The following KBTBD12 variants were observed in gnomAD, a reference collection of about 807,000 sequenced individuals.
The protein encoded by KBTBD12 is kelch repeat and BTB domain-containing protein 12.
In KBTBD12, 53 loss-of-function variants were observed where a neutral mutation model predicts 58.7. That is an observed-to-expected ratio of 0.90 (90% confidence interval 0.72 to 1.14). The LOEUF is 1.14. Among genes scored for constraint, KBTBD12 ranks in the 50% most tolerant of loss-of-function variants. The probability of loss-of-function intolerance (pLI) is 0.00; values close to 1 mark genes in which losing one functional copy is unlikely to be tolerated. For synonymous variants in KBTBD12, 236 were observed against 259.8 expected (o/e 0.91, Z 0.88); for missense variants, 704 against 751.3 (o/e 0.94, Z 0.74).
intron 4 of KBTBD12, among the ~76,000 whole-genome samples, chr3:127,952,850 T>A (rs937926762): frequency 3.3e-5 from 5 of 152,254 alleles, no homozygotes; most frequent in African/African-American, 1.2e-4. Flanking sequence ...CCCTTGCCTT[T>A]ACCTTATTAC....
chr3:127,943,819 G>T (rs1940011586), intron 4 of KBTBD12, among the ~76,000 whole-genome samples: 1 of 152,056 alleles, frequency 6.6e-6, no homozygotes, highest in African/African-American at 2.4e-5. Flanking sequence ...ACCATTTCAG[G>T]TCTTATGTTT....
intron 1 of KBTBD12, among the ~76,000 whole-genome samples, chr3:127,917,453 T>C (rs4857869): frequency 0.62 from 93,735 of 152,094 alleles, 29,590 homozygotes; most frequent in African/African-American, 0.75. Flanking sequence ...TCTCCAAACC[T>C]TGTCCTTTTG....
chr3:127,937,380 A>AT (rs1939853716), intron 4 of KBTBD12, among the ~76,000 whole-genome samples: 1 of 152,182 alleles, frequency 6.6e-6, no homozygotes, highest in South Asian at 2.1e-4. Context: ...GGGATGTAAA[A>AT]ATATATAACA....
chr3:127,941,095 C>T (rs1013042502), intron 4 of KBTBD12, among the ~76,000 whole-genome samples: 8 of 152,124 alleles, frequency 5.3e-5, no homozygotes, highest in Non-Finnish European at 1.2e-4. Context: ...AATGGTTTCA[C>T]TCGTGAATTT....
In KBTBD12 at chr3:127,963,190, T is replaced by C. The variant is rs139710891; in HGVS notation, c.1494T>C (p.Gly498=). ...ATTTCTCCACATAATTCTCTGCAGG[T>C]GGCATTGGCTGTGTAGGTCAAGACA... The part of the protein sequence containing the change: ...AVVNSEIYVL[G]GIGCVGQDKG... The change falls in exon 5 of 6, where the codon GGT becomes GGC. Residue 498 remains glycine (G), a splice_region_variant and synonymous_variant. Transcript: ENST00000405109. 1,137 of 1,596,736 alleles carry C rather than the reference T, an allele frequency of 7.1e-4. 10 individuals carry two copies. In the African/African-American group the frequency reaches 0.013, roughly 19 times the overall value.
Position 127,923,059 on chromosome 3 carries a change from A to G in KBTBD12, c.-3A>G. On this transcript the variant is annotated 5_prime_UTR_variant, in exon 2 of 6. Coordinates refer to ENST00000405109, the MANE Select transcript of KBTBD12 (RefSeq NM_207335.4). ...CTTAGTTGGAAACTTTGGAGAGTAG[A>G]TCATGGAGTGCAAGATTGAGGGAAA... The G allele has an allele frequency of 6.4e-7, 1 of 1,574,094 alleles. No homozygotes were observed. The highest frequency in any genetic ancestry group is 8.7e-7 in the Non-Finnish European group (1 of 1,146,874).
chr3:127,983,833 C>G (rs1191357268), intron 5 of KBTBD12, among the ~76,000 whole-genome samples: 1 of 152,156 alleles, frequency 6.6e-6, no homozygotes, highest in African/African-American at 2.4e-5. Flanking sequence ...ATGCCCACTC[C>G]CCTTCCATTT....
intron 5 of KBTBD12, chr3:127,963,628 G>T: frequency 2.7e-6 from 1 of 367,764 alleles, no homozygotes; most frequent in South Asian, 5.0e-5. Context: ...ATACCACCCT[G>T]AACACACCTG....
At chr3:127,950,499 G>A (rs905353166) in intron 4 of KBTBD12, among the ~76,000 whole-genome samples, 1 of 152,150 alleles carries the variant, frequency 6.6e-6, no homozygotes, top group Non-Finnish European at 1.5e-5. Flanking sequence ...GACTAATAAT[G>A]TCCATTGAAG....
intron 5 of KBTBD12, among the ~76,000 whole-genome samples, chr3:127,976,664 A>G (rs1477858555): frequency 6.6e-6 from 1 of 152,208 alleles, no homozygotes; most frequent in African/African-American, 2.4e-5. Context: ...TGCAAATGGT[A>G]GAAAATGTGG....
At chr3:127,920,841 A>G (rs1939387893) in intron 1 of KBTBD12, among the ~76,000 whole-genome samples, 2 of 152,022 alleles carry the variant, frequency 1.3e-5, no homozygotes, top group Admixed American at 1.3e-4. Context: ...CTCTATTACT[A>G]TGAGTACTAT....
intron 4 of KBTBD12, among the ~76,000 whole-genome samples, chr3:127,941,685 G>T (rs1351706138): frequency 6.6e-6 from 1 of 152,128 alleles, no homozygotes; most frequent in Admixed American, 6.5e-5. Flanking sequence ...CTCCCAGACG[G>T]AATCTTTCGG....
At chr3:127,970,945 C>A (rs1940672060) in intron 5 of KBTBD12, among the ~76,000 whole-genome samples, 1 of 152,120 alleles carries the variant, frequency 6.6e-6, no homozygotes, top group African/African-American at 2.4e-5. Flanking sequence ...GATATATGAA[C>A]TATACCTCAA....
chr3:127,956,536 C>G (rs538572596), intron 4 of KBTBD12, among the ~76,000 whole-genome samples: 2 of 151,138 alleles, frequency 1.3e-5, no homozygotes, highest in African/African-American at 2.4e-5. Context: ...CCAAAATATA[C>G]TTTTAGATTG....
At chr3:127,977,513 A>G (rs1940803046) in intron 5 of KBTBD12, among the ~76,000 whole-genome samples, 1 of 152,142 alleles carries the variant, frequency 6.6e-6, no homozygotes, top group East Asian at 1.9e-4. Context: ...ACTTTTTAAT[A>G]ATAGCCATTA....
At chr3:127,928,978 G>C (rs893354342) in intron 3 of KBTBD12, among the ~76,000 whole-genome samples, 1 of 152,132 alleles carries the variant, frequency 6.6e-6, no homozygotes, top group Non-Finnish European at 1.5e-5. Context: ...TTTCATCACA[G>C]CTAGCAGGAG....
chr3:127,924,292 CTG>C (rs137868320), intron 2 of KBTBD12, among the ~76,000 whole-genome samples, 161 bp downstream of exon 2: 12 of 148,998 alleles, frequency 8.1e-5, no homozygotes, highest in East Asian at 5.8e-4. Flanking sequence ...TTTTGTGTGT[CTG>C]TGTGTGTGTG....
At chr3:127,947,038 G>GT (rs376114346) in intron 4 of KBTBD12, among the ~76,000 whole-genome samples, 3 of 151,500 alleles carry the variant, frequency 2.0e-5, no homozygotes, top group African/African-American at 2.4e-5. Context: ...TTGTCTATCT[G>GT]TTTTTTTCTG....
At chr3:127,940,074 T>G (rs1354469691) in intron 4 of KBTBD12, among the ~76,000 whole-genome samples, 2 of 152,172 alleles carry the variant, frequency 1.3e-5, no homozygotes, top group Non-Finnish European at 2.9e-5. Flanking sequence ...ATACTAAATG[T>G]GTATGTACCT....
Sources: allele counts gnomAD v4.1 joint callset (sites outside exome capture counted in the v4.1 genomes callset), GRCh38; gene constraint gnomAD v4.1.1; transcripts MANE v1.5; gene names NCBI Gene and HGNC (gene_info 2026-07-23, HGNC 2026-07-21).